The following SLC24A4 variants were observed in gnomAD, a reference collection of about 807,000 sequenced individuals.
The protein encoded by SLC24A4 is solute carrier family 24 member 4, also known as sodium/potassium/calcium exchanger 4.
In SLC24A4, 53 loss-of-function variants were observed where a neutral mutation model predicts 79.0. That is an observed-to-expected ratio of 0.67 (90% CI 0.54 to 0.84). SLC24A4 has a LOEUF of 0.84. Among genes scored for constraint, SLC24A4 ranks in the 40% least tolerant of loss-of-function variants. The pLI, the probability that SLC24A4 is intolerant of heterozygous loss-of-function variation, is 0.00. For synonymous variants in SLC24A4, 323 were observed against 323.8 expected (o/e 1.00, Z 0.03); for missense variants, 731 against 822.0 (o/e 0.89, Z 1.35).
At chr14:92,387,894 G>C (rs74072688) in intron 2 of SLC24A4, among the ~76,000 whole-genome samples, 3,325 of 152,270 alleles carry the variant, frequency 0.022, 115 homozygotes, top group East Asian at 0.16. Context: ...CCTTTTAAAG[G>C]CTGAATAATT....
At chr14:92,420,433 C>T (rs1240743151) in intron 2 of SLC24A4, among the ~76,000 whole-genome samples, 2 of 151,908 alleles carry the variant, frequency 1.3e-5, no homozygotes, top group East Asian at 1.9e-4. Flanking sequence ...GAGCCAAGAT[C>T]GTGCCACTGC....
intron 2 of SLC24A4, among the ~76,000 whole-genome samples, chr14:92,408,195 G>GTGTGTGTGTGTGTC (rs1231313737): frequency 2.0e-5 from 3 of 151,978 alleles, no homozygotes; most frequent in Non-Finnish European, 4.4e-5. Flanking sequence ...GTGTGTGTGT[G>GTGTGTGTGTGTGTC]TGTGTGTTTC....
chr14:92,457,008 G>A (rs561264759), intron 12 of SLC24A4, among the ~76,000 whole-genome samples: 35 of 152,358 alleles, frequency 2.3e-4, no homozygotes, highest in Non-Finnish European at 4.4e-4. Flanking sequence ...TTTTGCCTAT[G>A]CATCTCTTTA....
intron 2 of SLC24A4, among the ~76,000 whole-genome samples, chr14:92,368,629 T>C (rs1887985107): frequency 6.6e-6 from 1 of 152,302 alleles, no homozygotes; most frequent in South Asian, 2.1e-4. Flanking sequence ...ACAAGGAAGA[T>C]AAAATATCAA....
At chr14:92,457,332 C>G (rs1893540284) in intron 12 of SLC24A4, 1 of 153,024 alleles carries the variant, frequency 6.5e-6, no homozygotes, top group South Asian at 2.1e-4. Context: ...GACCTTTGCA[C>G]CTGCCTTTTG....
intron 7 of SLC24A4, among the ~76,000 whole-genome samples, chr14:92,444,400 G>A (rs1204687896): frequency 6.6e-6 from 1 of 152,164 alleles, no homozygotes; most frequent in African/African-American, 2.4e-5. Flanking sequence ...TAAGCCCCGT[G>A]GGTGGTGCCG....
chr14:92,395,049 G>C (rs1889688806), intron 2 of SLC24A4, among the ~76,000 whole-genome samples: 1 of 152,200 alleles, frequency 6.6e-6, no homozygotes, highest in Non-Finnish European at 1.5e-5. Context: ...AGGGGATTCA[G>C]GGAGATAGGA....
intron 13 of SLC24A4, chr14:92,483,636 T>C: frequency 1.2e-6 from 1 of 836,314 alleles, no homozygotes; most frequent in Non-Finnish European, 1.7e-6. Context: ...TTTCATCGGC[T>C]GGGCTGGGCT....
rs1895261534 is a variant in SLC24A4 at position 92,484,738 on chromosome 14, C to G, written c.1422+1892C>G. On this transcript the variant is annotated intron_variant, in intron 13 of 16. Coordinates refer to ENST00000532405, the MANE Select transcript of SLC24A4 (RefSeq NM_153646.4). Reference sequence around the variant, plus strand: ...GAACCTCATTCATGTCCCTCCTGACCACTCCCTTTCACACCCTACTCCCAG... The same window carrying G: ...GAACCTCATTCATGTCCCTCCTGACGACTCCCTTTCACACCCTACTCCCAG... The G allele has an allele frequency of 5.1e-6, 5 of 985,356 alleles. No homozygotes were observed. The African/African-American group carries it at 7.0e-5, about 14-fold the overall frequency. 61.0% of individuals were successfully genotyped at this position (985,356 alleles called of 1,614,324 possible). A position where few individuals can be genotyped will look rare whatever the true frequency, so the allele number is the denominator to read the frequency against.
intron 10 of SLC24A4, chr14:92,450,658 C>G (rs1893085015): frequency 6.6e-6 from 1 of 152,310 alleles, no homozygotes; most frequent in Non-Finnish European, 1.5e-5. Flanking sequence ...CACACACAGC[C>G]TGGTCCCCAC....
intron 2 of SLC24A4, among the ~76,000 whole-genome samples, chr14:92,375,147 A>G (rs766124698): frequency 6.6e-6 from 1 of 152,242 alleles, no homozygotes; most frequent in Non-Finnish European, 1.5e-5. Flanking sequence ...GCCTGCTAGG[A>G]TGAAGTATAG....
intron 13 of SLC24A4, 26 bp from the exon 14 acceptor site, chr14:92,486,640 T>C: frequency 1.4e-6 from 2 of 1,466,758 alleles, no homozygotes; most frequent in Non-Finnish European, 1.9e-6. Flanking sequence ...GGTTGAGAGT[T>C]CATGTCTCCA....
intron 2 of SLC24A4, among the ~76,000 whole-genome samples, chr14:92,373,013 TTTCTTTC>T (rs1888288105): frequency 6.8e-6 from 1 of 147,914 alleles, no homozygotes. Context: ...TCTTTCTTTC[TTTCTTTC>T]GAGATGGAGT....
In SLC24A4 at chr14:92,496,656, A is replaced by G. The variant is rs371631857; in HGVS notation, c.*3028A>G. 2.0e-4 allele frequency: 30 copies of G among 152,196 alleles called. No individual in the cohort carries two copies. Among genetic ancestry groups the G allele is most frequent in the African/African-American group, 7.2e-4 (30 of 41,500 alleles). 9.4% of individuals were successfully genotyped at this position (152,196 alleles called of 1,614,324 possible). A position where few individuals can be genotyped will look rare whatever the true frequency, so the allele number is the denominator to read the frequency against. On this transcript the variant is annotated 3_prime_UTR_variant, in exon 17 of 17. Coordinates refer to ENST00000532405, the MANE Select transcript of SLC24A4 (RefSeq NM_153646.4). ...AAGGTTCTGGGTCAGCTGCAATGAG[A>G]GACTGGTGATTAAGGGCACCGTGGG...
At position 92,448,092 on chromosome 14, in the gene SLC24A4, A is replaced by G. The variant is rs57157694; in HGVS notation, c.737+668A>G. Among the ~76,000 whole-genome samples, 659 of 152,302 alleles carry G rather than the reference A, an allele frequency of 4.3e-3. 3 individuals carry two copies. The highest frequency in any genetic ancestry group is 0.015 in the African/African-American group (628 of 41,560). ...AAAAGGACAACTATTGTCTGATTGC[A>G]CTTACATGAGGGATCTAGAAGAGCC... is the stretch of plus-strand genomic sequence containing the variant. On this transcript the variant is annotated intron_variant, in intron 9 of 16. Coordinates refer to ENST00000532405, the MANE Select transcript of SLC24A4 (RefSeq NM_153646.4).
intron 2 of SLC24A4, among the ~76,000 whole-genome samples, chr14:92,337,495 G>C (rs543981614): frequency 6.6e-6 from 1 of 152,162 alleles, no homozygotes; most frequent in Non-Finnish European, 1.5e-5. Flanking sequence ...CTAGCCTGTC[G>C]GTGCCTTGGG....
At chr14:92,343,737 C>G (rs1409307056) in intron 2 of SLC24A4, among the ~76,000 whole-genome samples, 2 of 147,026 alleles carry the variant, frequency 1.4e-5, no homozygotes, top group East Asian at 4.0e-4. Context: ...GAGTCTCACT[C>G]TGTCACCCAG....
In SLC24A4 at chr14:92,492,156, C is replaced by A. The variant is rs772009376; in HGVS notation, c.1651-19C>A. 6.2e-7 allele frequency: 1 copy of A among 1,606,290 alleles called. No homozygotes were observed. The highest frequency in any genetic ancestry group is 8.5e-7 in the Non-Finnish European group (1 of 1,177,600). On this transcript the variant is annotated intron_variant, in intron 15 of 16. Transcript: ENST00000532405. ...CTGAGCAGTCAAGAGACTCAGGGCA[C>A]GTGTGTTTGATTTTCCAGGTGAAGA... is the stretch of plus-strand genomic sequence containing the variant.
chr14:92,349,164 A>ATT (rs55770253), intron 2 of SLC24A4, among the ~76,000 whole-genome samples: 1 of 144,200 alleles, frequency 6.9e-6, no homozygotes, highest in African/African-American at 2.5e-5. Flanking sequence ...TGACTGGAAG[A>ATT]TTTTTTTTTT....
Sources: allele counts gnomAD v4.1 joint callset (sites outside exome capture counted in the v4.1 genomes callset), GRCh38; gene constraint gnomAD v4.1.1; transcripts MANE v1.5; gene names NCBI Gene and HGNC (gene_info 2026-07-23, HGNC 2026-07-21).